The following BICDL1 variants were observed in gnomAD, a reference collection of about 807,000 sequenced individuals.
BICDL1 encodes BICD family-like cargo adapter 1.
A neutral mutation model predicts 76.8 loss-of-function variants in BICDL1; 20 were observed. That is an observed-to-expected ratio of 0.26 (90% CI 0.18 to 0.38). The LOEUF (loss-of-function observed/expected upper bound fraction) is 0.38, where lower values mean the gene tolerates loss of function less well. BICDL1 is among the 10% of genes least tolerant of loss of function. The probability of loss-of-function intolerance (pLI) is 1.00; values close to 1 mark genes in which losing one functional copy is unlikely to be tolerated. For missense variants in BICDL1, 700 were observed against 798.6 expected (o/e 0.88, Z 1.49); for synonymous variants, 383 against 337.1 (o/e 1.14, Z -1.49).
intron 2 of BICDL1, among the ~76,000 whole-genome samples, chr12:120,020,425 G>C (rs1325733530): frequency 6.6e-6 from 1 of 152,118 alleles, no homozygotes; most frequent in African/African-American, 2.4e-5. Context: ...AAAAGAGAAA[G>C]CTTCCCCAAC....
chr12:120,027,608 T>C lies in BICDL1; in HGVS notation c.645+28872T>C, dbSNP rs1263238037. Among the ~76,000 whole-genome samples, 7 of 152,206 alleles carry C rather than the reference T, an allele frequency of 4.6e-5. No individual in the cohort carries two copies. The East Asian group carries it at 1.3e-3, about 29-fold the overall frequency. ...CGGGTCCTGCGCAAACTCATACTGTTGTCACTTTCTTGTGTTCTGTCATGG... is the reference window on the plus strand; with the variant it reads ...CGGGTCCTGCGCAAACTCATACTGTCGTCACTTTCTTGTGTTCTGTCATGG... On this transcript the variant is annotated intron_variant, in intron 2 of 9. Transcript: ENST00000548673.
chr12:120,061,469 G>T (rs1180092041), intron 2 of BICDL1, among the ~76,000 whole-genome samples: 2 of 151,220 alleles, frequency 1.3e-5, no homozygotes, highest in Non-Finnish European at 2.9e-5. Context: ...ATTTCCTAGG[G>T]CTGTTTCCTT....
intron 2 of BICDL1, among the ~76,000 whole-genome samples, chr12:120,043,667 A>G (rs959570752): frequency 2.0e-5 from 3 of 152,228 alleles, no homozygotes; most frequent in African/African-American, 7.2e-5. Context: ...TATCTCATTA[A>G]TTCTCTGGTG....
At chr12:120,089,375 CGTGTGTGTGTGTGTGGT>C (rs1332244306) in intron 8 of BICDL1, among the ~76,000 whole-genome samples, 107 of 148,720 alleles carry the variant, frequency 7.2e-4, no homozygotes, top group African/African-American at 2.4e-3. Flanking sequence ...GCTCTTTCAA[CGTGTGTGTGTGTGTGGT>C]GTGTGTGTGT....
intron 8 of BICDL1, among the ~76,000 whole-genome samples, chr12:120,088,669 GT>G (rs922915431): frequency 2.2e-5 from 3 of 138,488 alleles, no homozygotes. Flanking sequence ...ACTTTATGGG[GT>G]TTTTTTGTTT....
At chr12:119,991,775 T>C (rs928128821) in intron 1 of BICDL1, among the ~76,000 whole-genome samples, 1 of 152,222 alleles carries the variant, frequency 6.6e-6, no homozygotes, top group Non-Finnish European at 1.5e-5. Context: ...CCAGATTTCA[T>C]AGTAATCCTG....
Position 120,072,603 on chromosome 12 carries a change from G to A in BICDL1, c.1182G>A (p.Thr394=), listed in dbSNP as rs1476483972. ...ACAGTGCTGACTCAGCCGTCTCCAC[G>A]GACTCCTCCATGGACGAGTCTTCAG... The part of the protein sequence containing the change: ...GNDSADSAVS[T]DSSMDESSET... Residue 394 remains threonine (T), a synonymous_variant, in exon 6 of 10, where the codon ACG becomes ACA. Transcript: ENST00000548673. 1.7e-5 allele frequency: 28 copies of A among 1,614,070 alleles called. No homozygotes were observed. The highest frequency in any genetic ancestry group is 2.2e-5 in the East Asian group (1 of 44,894).
chr12:119,994,376 A>AT (rs1358747532), intron 1 of BICDL1, among the ~76,000 whole-genome samples: 1 of 148,374 alleles, frequency 6.7e-6, no homozygotes, highest in Non-Finnish European at 1.5e-5. Flanking sequence ...TTCTGAGCAT[A>AT]TTGTCAGTTT....
chr12:119,998,404 A>G (rs1227983055), intron 1 of BICDL1, 117 bp from the exon 2 acceptor site: 1 of 741,010 alleles, frequency 1.3e-6, no homozygotes, highest in African/African-American at 1.8e-5. Context: ...CCTATGTGGT[A>G]GGGTGTTTTA....
At chr12:119,996,049 AATT>A (rs905658047) in intron 1 of BICDL1, among the ~76,000 whole-genome samples, 3 of 152,116 alleles carry the variant, frequency 2.0e-5, no homozygotes, top group African/African-American at 7.2e-5. Flanking sequence ...TAGAGCAAAA[AATT>A]CTCATACTGA....
intron 2 of BICDL1, among the ~76,000 whole-genome samples, chr12:120,021,822 T>A (rs940319949): frequency 6.6e-6 from 1 of 151,226 alleles, no homozygotes; most frequent in Non-Finnish European, 1.5e-5. Context: ...GGAGATTTGC[T>A]TGAACCCGGG....
intron 2 of BICDL1, among the ~76,000 whole-genome samples, chr12:120,058,084 C>T (rs568532550): frequency 2.0e-5 from 3 of 152,050 alleles, no homozygotes; most frequent in African/African-American, 4.8e-5. Flanking sequence ...CCACCCGCCT[C>T]GGCCTCCCAA....
Position 120,093,382 on chromosome 12 carries a change from G to A in BICDL1, c.*221G>A, listed in dbSNP as rs1478241092. On this transcript the variant is annotated 3_prime_UTR_variant, in exon 10 of 10. Coordinates refer to ENST00000548673, the MANE Select transcript of BICDL1 (RefSeq NM_001367886.1). ...GAAGGCTTCCCTTGGCCCACCGCCTGGCCAAGCCCACGCCTGGGCTTCTCC... is the reference window on the plus strand; with the variant it reads ...GAAGGCTTCCCTTGGCCCACCGCCTAGCCAAGCCCACGCCTGGGCTTCTCC... 1.0e-5 allele frequency: 6 copies of A among 580,432 alleles called. No homozygotes were observed. Among genetic ancestry groups the A allele is most frequent in the Non-Finnish European group, 1.8e-5 (6 of 332,026 alleles). 36.0% of individuals were successfully genotyped at this position (580,432 alleles called of 1,614,324 possible). A position where few individuals can be genotyped will look rare whatever the true frequency, so the allele number is the denominator to read the frequency against.
intron 3 of BICDL1, among the ~76,000 whole-genome samples, chr12:120,062,779 T>A (rs1288308357): frequency 6.6e-6 from 1 of 152,164 alleles, no homozygotes. Flanking sequence ...TAGAGTTTGT[T>A]CCAGTGGGGT....
chr12:120,031,664 G>A (rs924697450), intron 2 of BICDL1, among the ~76,000 whole-genome samples: 5 of 152,172 alleles, frequency 3.3e-5, no homozygotes, highest in African/African-American at 1.2e-4. Context: ...CTTATCAAAT[G>A]TGTGTTGAAA....
chr12:120,090,249 C>A, intron 9 of BICDL1, 178 bp downstream of exon 9: 2 of 680,320 alleles, frequency 2.9e-6, no homozygotes, highest in Non-Finnish European at 4.7e-6. Flanking sequence ...GGGAAGAATG[C>A]TTAAGGATGC....
At chr12:120,034,658 GTC>G (rs1186667826) in intron 2 of BICDL1, among the ~76,000 whole-genome samples, 7 of 152,232 alleles carry the variant, frequency 4.6e-5, no homozygotes, top group African/African-American at 1.7e-4. Context: ...TCTGCTCAGA[GTC>G]TCACAATTCT....
chr12:119,990,495 C>G (rs765997481), intron 1 of BICDL1, among the ~76,000 whole-genome samples, 198 bp downstream of exon 1: 1 of 152,228 alleles, frequency 6.6e-6, no homozygotes, highest in South Asian at 2.1e-4. Flanking sequence ...CCGCTCACAG[C>G]AAATGGGTCC....
chr12:120,034,445 A>T (rs1952490810), intron 2 of BICDL1, among the ~76,000 whole-genome samples: 1 of 152,196 alleles, frequency 6.6e-6, no homozygotes, highest in Admixed American at 6.5e-5. Flanking sequence ...GCTTGAACAG[A>T]GGCATCTGGT....
Sources: gnomAD v4.1 joint callset for allele counts (sites outside exome capture counted in the v4.1 genomes callset) on GRCh38, gnomAD v4.1.1 for gene constraint, MANE v1.5 for transcripts, NCBI Gene and HGNC (gene_info 2026-07-23, HGNC 2026-07-21) for gene names.